RARB: variants seen among roughly 807,000 people sequenced by gnomAD.
RARB encodes HBV-activated protein.
RARB carries 17 observed loss-of-function variants against 51.9 expected under a neutral mutation model. The ratio of observed to expected loss-of-function variants is 0.33; its 90% CI spans 0.22 to 0.49. RARB has a LOEUF of 0.49. RARB is among the 20% of genes least tolerant of loss of function. RARB has a pLI of 0.99. For synonymous variants in RARB, 215 were observed against 195.4 expected (o/e 1.10, Z -0.84); for missense variants, 369 against 550.8 (o/e 0.67, Z 3.30).
At chr3:24,995,409 G>A (rs1697000208) in intron 2 of RARB, among the ~76,000 whole-genome samples, 1 of 151,964 alleles carries the variant, frequency 6.6e-6, no homozygotes, top group South Asian at 2.1e-4. Flanking sequence ...TATGTCATCT[G>A]CAAAGAATAC....
chr3:24,862,713 T>C (rs1297293736), intron 2 of RARB, among the ~76,000 whole-genome samples: 1 of 152,220 alleles, frequency 6.6e-6, no homozygotes, highest in Non-Finnish European at 1.5e-5. Context: ...TCTTGGAATG[T>C]ATGCCCCACG....
chr3:25,332,880 TAACA>T (rs1390126680), intron 5 of RARB, among the ~76,000 whole-genome samples: 3 of 152,000 alleles, frequency 2.0e-5, no homozygotes, highest in African/African-American at 4.8e-5. Flanking sequence ...TATACACCAA[TAACA>T]AACAAACAGA....
At chr3:25,077,885 T>G (rs1413954834) in intron 3 of RARB, among the ~76,000 whole-genome samples, 1 of 152,224 alleles carries the variant, frequency 6.6e-6, no homozygotes, top group Non-Finnish European at 1.5e-5. Flanking sequence ...TAGCCATGTT[T>G]TTGGTATAAA....
intron 2 of RARB, among the ~76,000 whole-genome samples, chr3:25,463,090 C>T (rs1695262469): frequency 6.6e-6 from 1 of 152,096 alleles, no homozygotes; most frequent in South Asian, 2.1e-4. Context: ...CCAGGCTGAC[C>T]TCGAATTCCT....
rs182427007 is a variant in RARB, at chr3:24,983,552, G to T, written c.-379-76573G>T. 2.8e-4 allele frequency among the ~76,000 whole-genome samples: 42 copies of T among 152,014 alleles called. 1 individual carries two copies. Among genetic ancestry groups the T allele is most frequent in the Middle Eastern group, 6.8e-3 (2 of 294 alleles). On this transcript the variant is annotated intron_variant, in intron 2 of 11. Coordinates refer to the RARB transcript ENST00000383772. The stretch of plus-strand genomic sequence containing the variant: ...TCCCCTTGCCCCCTACCCCCTGACA[G>T]GTCCTGGTGTGTGGTGCTCCCCTCC...
At chr3:25,078,224 T>A (rs1698914884) in intron 3 of RARB, among the ~76,000 whole-genome samples, 1 of 152,138 alleles carries the variant, frequency 6.6e-6, no homozygotes, top group Non-Finnish European at 1.5e-5. Flanking sequence ...CAAAAATATT[T>A]TTGTGTTGCT....
chr3:25,196,265 C>T (rs1015918962), intron 5 of RARB, among the ~76,000 whole-genome samples: 1 of 151,978 alleles, frequency 6.6e-6, no homozygotes, highest in Non-Finnish European at 1.5e-5. Context: ...GTTCCCCTTC[C>T]TGTGTCCAAG....
chr3:24,869,374 G>A lies in RARB; in HGVS notation c.-380+10622G>A, dbSNP rs566765129. ...TAGAATTTATGGTTTTCACATAAAT[G>A]TAAAATTAAGACAAATCAAATTATG... On this transcript the variant is annotated intron_variant, in intron 2 of 11. Transcript: ENST00000383772. 2.6e-5 allele frequency among the ~76,000 whole-genome samples: 4 copies of A among 152,212 alleles called. No homozygotes were observed. In the South Asian group the frequency reaches 6.2e-4, roughly 24 times the overall value.
rs1700336372 is a variant in RARB at position 25,154,078 on chromosome 3, T to G, written c.-279-20041T>G. ...TTATTATGCTCATTCCAAATCACTCTCTTCTATGATTATGTGGATTTTTAA... is the reference window on the plus strand; with the variant it reads ...TTATTATGCTCATTCCAAATCACTCGCTTCTATGATTATGTGGATTTTTAA... On this transcript the variant is annotated intron_variant, in intron 4 of 11. Coordinates refer to the RARB transcript ENST00000383772. Among the ~76,000 whole-genome samples the G allele has an allele frequency of 6.6e-5, 10 of 152,232 alleles. 1 individual carries two copies. The highest frequency in any genetic ancestry group is 6.5e-4 in the Admixed American group (10 of 15,280).
intron 2 of RARB, among the ~76,000 whole-genome samples, chr3:24,973,134 A>T (rs1193183006): frequency 6.6e-6 from 1 of 151,952 alleles, no homozygotes; most frequent in East Asian, 1.9e-4. Context: ...TGTTCAATCC[A>T]TTTTTATTTG....
At chr3:25,510,574 C>G (rs1697840491) in intron 3 of RARB, among the ~76,000 whole-genome samples, 3 of 151,792 alleles carry the variant, frequency 2.0e-5, no homozygotes, top group Non-Finnish European at 4.4e-5. Flanking sequence ...TGCATTGGGC[C>G]AAGATCGAGC....
intron 2 of RARB, among the ~76,000 whole-genome samples, chr3:24,891,638 G>T (rs565042739): frequency 6.6e-6 from 1 of 152,112 alleles, no homozygotes; most frequent in African/African-American, 2.4e-5. Flanking sequence ...TAAAATATTA[G>T]CACTGATAGT....
intron 5 of RARB, among the ~76,000 whole-genome samples, chr3:25,293,149 G>A (rs9833984): frequency 0.25 from 38,557 of 151,998 alleles, 5,980 homozygotes; most frequent in African/African-American, 0.44. Flanking sequence ...ATTTTTCGCC[G>A]TATACCTGTA....
At chr3:25,032,097 T>A (rs1279207045) in intron 2 of RARB, among the ~76,000 whole-genome samples, 1 of 152,206 alleles carries the variant, frequency 6.6e-6, no homozygotes, top group Admixed American at 6.5e-5. Context: ...AAAATTATTT[T>A]TCTCCCTAAA....
At chr3:25,070,498 G>A (rs1698746251) in intron 3 of RARB, among the ~76,000 whole-genome samples, 2 of 151,274 alleles carry the variant, frequency 1.3e-5, no homozygotes, top group African/African-American at 4.9e-5. Flanking sequence ...ACTCTTAGGT[G>A]CTGTTGGAGT....
At chr3:25,253,240 T>A (rs888281651) in intron 5 of RARB, among the ~76,000 whole-genome samples, 1 of 152,186 alleles carries the variant, frequency 6.6e-6, no homozygotes, top group African/African-American at 2.4e-5. Flanking sequence ...TGTGTTTTTT[T>A]ATTCTATTCT....
intron 5 of RARB, among the ~76,000 whole-genome samples, chr3:25,318,772 T>G (rs1178649147): frequency 1.3e-5 from 2 of 152,206 alleles, no homozygotes; most frequent in Non-Finnish European, 2.9e-5. Context: ...GGCCTCCACA[T>G]TTAAAAATTA....
At chr3:25,333,106 G>T (rs1275759415) in intron 5 of RARB, among the ~76,000 whole-genome samples, 1 of 152,120 alleles carries the variant, frequency 6.6e-6, no homozygotes. Context: ...AGTGCCCAAG[G>T]TAATTTATAG....
At chr3:25,102,719 A>T (rs1609491) in intron 3 of RARB, among the ~76,000 whole-genome samples, 1 of 151,950 alleles carries the variant, frequency 6.6e-6, no homozygotes, top group Non-Finnish European at 1.5e-5. Flanking sequence ...AGCTTTCTCA[A>T]TTTCTGAATT....
Sources: allele counts gnomAD v4.1 joint callset (sites outside exome capture counted in the v4.1 genomes callset), GRCh38; gene constraint gnomAD v4.1.1; transcripts MANE v1.5; gene names NCBI Gene and HGNC (gene_info 2026-07-23, HGNC 2026-07-21).